CSMD1: variants seen among roughly 807,000 people sequenced by gnomAD.
The protein encoded by CSMD1 is CUB and sushi domain-containing protein 1.
A neutral mutation model predicts 417.5 loss-of-function variants in CSMD1; 213 were observed. That is an observed-to-expected ratio of 0.51 (90% CI 0.46 to 0.57). The LOEUF is 0.57. Among genes scored for constraint, CSMD1 ranks in the 20% least tolerant of loss-of-function variants. The probability of loss-of-function intolerance (pLI) is 0.00; values close to 1 mark genes in which losing one functional copy is unlikely to be tolerated. For missense variants in CSMD1, 6,923 were observed against 4,529.7 expected (o/e 1.53, Z -15.17); for synonymous variants, 2,862 against 1,736.8 (o/e 1.65, Z -16.11).
intron 3 of CSMD1, among the ~76,000 whole-genome samples, chr8:4,363,064 C>G (rs1215448130): frequency 6.6e-6 from 1 of 152,152 alleles, no homozygotes; most frequent in Non-Finnish European, 1.5e-5. Context: ...ATTGAATTTT[C>G]TCTTCAGAGC....
At chr8:3,142,033 G>A (rs978329745) in intron 41 of CSMD1, among the ~76,000 whole-genome samples, 5 of 152,122 alleles carry the variant, frequency 3.3e-5, no homozygotes, top group East Asian at 3.9e-4. Flanking sequence ...TCCTGACCTC[G>A]TGATCCGCCC....
chr8:4,611,461 C>G (rs1257316118), intron 2 of CSMD1, among the ~76,000 whole-genome samples: 1 of 152,058 alleles, frequency 6.6e-6, no homozygotes, highest in African/African-American at 2.4e-5. Context: ...GTACCATTTC[C>G]TGATTGTATA....
At chr8:4,440,655 T>C (rs1217645) in intron 2 of CSMD1, among the ~76,000 whole-genome samples, 1 of 152,208 alleles carries the variant, frequency 6.6e-6, no homozygotes, top group Admixed American at 6.5e-5. Flanking sequence ...ATTGCATACA[T>C]TTGTGCTGCT....
At chr8:3,187,996 A>C in intron 35 of CSMD1, 31 bp from the exon 36 acceptor site, 1 of 1,584,912 alleles carries the variant, frequency 6.3e-7, no homozygotes, top group Non-Finnish European at 8.6e-7. Context: ...GTTAATATTT[A>C]TTTTTGGCTT....
rs192340965 is a variant in CSMD1 at position 4,738,157 on chromosome 8, C to G, written c.86-100599G>C. ...TCTCAAACAGAATTAAACAGAATATCAGGTTAGTTTATTTGGTTTGATAGA... is the reference window on the plus strand; with the variant it reads ...TCTCAAACAGAATTAAACAGAATATGAGGTTAGTTTATTTGGTTTGATAGA... On this transcript the variant is annotated intron_variant, in intron 1 of 69. Coordinates refer to ENST00000635120, the MANE Select transcript of CSMD1 (RefSeq NM_033225.6). 1.4e-3 allele frequency among the ~76,000 whole-genome samples: 218 copies of G among 152,244 alleles called. 6 individuals carry two copies. In the South Asian group the frequency reaches 0.039, roughly 27 times the overall value.
At chr8:4,214,970 G>A (rs1423213444) in intron 3 of CSMD1, among the ~76,000 whole-genome samples, 1 of 152,108 alleles carries the variant, frequency 6.6e-6, no homozygotes, top group Admixed American at 6.6e-5. Context: ...GTGAGATACA[G>A]GCACAGCTTA....
intron 2 of CSMD1, among the ~76,000 whole-genome samples, chr8:4,539,358 C>T (rs887717438): frequency 2.0e-5 from 3 of 152,142 alleles, no homozygotes; most frequent in African/African-American, 7.2e-5. Context: ...TTCACTAAGC[C>T]CATGGATCAG....
At chr8:4,177,820 G>C (rs1459439197) in intron 3 of CSMD1, among the ~76,000 whole-genome samples, 6 of 151,440 alleles carry the variant, frequency 4.0e-5, no homozygotes, top group Non-Finnish European at 8.8e-5. Flanking sequence ...AAATAAACTA[G>C]AAAATCTATA....
At chr8:4,585,773 A>G (rs965418440) in intron 2 of CSMD1, among the ~76,000 whole-genome samples, 1 of 152,218 alleles carries the variant, frequency 6.6e-6, no homozygotes, top group Non-Finnish European at 1.5e-5. Context: ...ACTATCCTAT[A>G]GAAATTGAAG....
chr8:3,413,266 A>G (rs1812929672), intron 12 of CSMD1, among the ~76,000 whole-genome samples: 1 of 152,058 alleles, frequency 6.6e-6, no homozygotes, highest in Non-Finnish European at 1.5e-5. Context: ...CATTTTGGGG[A>G]TACTATTTTT....
At chr8:4,170,925 C>G (rs771283532) in intron 3 of CSMD1, among the ~76,000 whole-genome samples, 1 of 151,844 alleles carries the variant, frequency 6.6e-6, no homozygotes. Flanking sequence ...ATTCCAATGC[C>G]TGTACAAGCT....
At position 4,159,266 on chromosome 8, in the gene CSMD1, G is replaced by C. The variant is rs560929777; in HGVS notation, c.416-127167C>G. On this transcript the variant is annotated intron_variant, in intron 3 of 69. Coordinates refer to ENST00000635120, the MANE Select transcript of CSMD1 (RefSeq NM_033225.6). Reference sequence around the variant, plus strand: ...GTGAAATGTTTTACTCATTGGGGTAGCATTTAGTGTAAGTTTAATTTATAC... The same window carrying C: ...GTGAAATGTTTTACTCATTGGGGTACCATTTAGTGTAAGTTTAATTTATAC... 1.8e-4 allele frequency among the ~76,000 whole-genome samples: 27 copies of C among 152,236 alleles called. 1 individual carries two copies. In the South Asian group the frequency reaches 4.4e-3, roughly 25 times the overall value.
chr8:4,012,989 C>G (rs574811655), intron 4 of CSMD1, among the ~76,000 whole-genome samples: 1 of 152,146 alleles, frequency 6.6e-6, no homozygotes, highest in Admixed American at 6.5e-5. Context: ...CAAGTAACAA[C>G]ACCTCTCATT....
At chr8:4,773,436 T>A (rs1192228272) in intron 1 of CSMD1, among the ~76,000 whole-genome samples, 1 of 152,162 alleles carries the variant, frequency 6.6e-6, no homozygotes, top group Non-Finnish European at 1.5e-5. Flanking sequence ...TATCGCTGTT[T>A]GGGGGAGGCC....
At chr8:3,862,556 C>T (rs577275576) in intron 5 of CSMD1, among the ~76,000 whole-genome samples, 1 of 152,190 alleles carries the variant, frequency 6.6e-6, no homozygotes, top group Non-Finnish European at 1.5e-5. Context: ...AGATTTTCAG[C>T]ACCTGTAATT....
At chr8:3,367,499 C>T (rs1294689177) in intron 19 of CSMD1, among the ~76,000 whole-genome samples, 1 of 151,516 alleles carries the variant, frequency 6.6e-6, no homozygotes, top group Non-Finnish European at 1.5e-5. Flanking sequence ...GGAGAGGTAA[C>T]AATTGCTGAA....
chr8:4,913,868 T>C (rs555496000), intron 1 of CSMD1, among the ~76,000 whole-genome samples: 1 of 152,330 alleles, frequency 6.6e-6, no homozygotes, highest in Admixed American at 6.5e-5. Context: ...AGGGATATTA[T>C]TGTTTGGATG....
chr8:4,401,487 C>G (rs75810159), intron 3 of CSMD1, among the ~76,000 whole-genome samples: 1 of 152,096 alleles, frequency 6.6e-6, no homozygotes, highest in Non-Finnish European at 1.5e-5. Context: ...GCACCATCCC[C>G]TCACCCAGAG....
intron 3 of CSMD1, among the ~76,000 whole-genome samples, chr8:4,215,425 T>TAAC (rs1009078379): frequency 6.6e-6 from 1 of 152,094 alleles, no homozygotes; most frequent in African/African-American, 2.4e-5. Context: ...GAATCATTAG[T>TAAC]AACACAAAAG....
Sources: allele counts gnomAD v4.1 joint callset (sites outside exome capture counted in the v4.1 genomes callset), GRCh38; gene constraint gnomAD v4.1.1; transcripts MANE v1.5; gene names NCBI Gene and HGNC (gene_info 2026-07-23, HGNC 2026-07-21).